The following GPN2 variants were observed in gnomAD, a reference collection of about 807,000 sequenced individuals.
The protein encoded by GPN2 is ATP-binding domain 1 family member B.
In GPN2, 27 loss-of-function variants were observed where a neutral mutation model predicts 30.1. That is an observed-to-expected ratio of 0.90 (90% CI 0.66 to 1.24). The LOEUF (loss-of-function observed/expected upper bound fraction) is 1.24, where lower values mean the gene tolerates loss of function less well. Ranked by LOEUF, GPN2 falls within the 50% of genes most tolerant of loss-of-function variation. The pLI, the probability that GPN2 is intolerant of heterozygous loss-of-function variation, is 0.00. For missense variants in GPN2, 406 were observed against 405.4 expected (o/e 1.00, Z -0.01); for synonymous variants, 212 against 174.4 (o/e 1.22, Z -1.70).
chr1:26,882,228 A>AG (rs1319723659), intron 4 of GPN2, among the ~76,000 whole-genome samples: 1 of 151,764 alleles, frequency 6.6e-6, no homozygotes, highest in East Asian at 1.9e-4. Flanking sequence ...AAAAAAAAAA[A>AG]AAAAAAAGGG....
At chr1:26,888,374 A>G (rs767561131) in intron 2 of GPN2, among the ~76,000 whole-genome samples, 1 of 152,194 alleles carries the variant, frequency 6.6e-6, no homozygotes, top group Non-Finnish European at 1.5e-5. Context: ...ACCAGACACC[A>G]GATCGGCTTG....
chr1:26,889,605 T>C (rs768791073), intron 1 of GPN2, 81 bp downstream of exon 1: 3 of 1,354,750 alleles, frequency 2.2e-6, no homozygotes, highest in African/African-American at 1.5e-5. Context: ...TACCTCCCTG[T>C]GTGACATGGG....
intron 2 of GPN2, among the ~76,000 whole-genome samples, chr1:26,888,217 C>G (rs1171322878): frequency 6.6e-6 from 1 of 152,264 alleles, no homozygotes; most frequent in East Asian, 1.9e-4. Flanking sequence ...GCCAACTCCC[C>G]TGCCTCATAC....
intron 4 of GPN2, 103 bp from the exon 5 acceptor site, chr1:26,879,852 C>A (rs949033434): frequency 2.7e-6 from 2 of 750,834 alleles, no homozygotes; most frequent in African/African-American, 1.7e-5. Flanking sequence ...CCATGTCCAT[C>A]CCTCTCTTCC....
At chr1:26,888,510 A>T (rs1195942618) in intron 2 of GPN2, among the ~76,000 whole-genome samples, 1 of 152,162 alleles carries the variant, frequency 6.6e-6, no homozygotes, top group Non-Finnish European at 1.5e-5. Context: ...CTTTATTCCT[A>T]CTAGTGCCTC....
At chr1:26,889,627 T>C (rs892304407) in intron 1 of GPN2, 59 bp downstream of exon 1, 42 of 1,477,280 alleles carry the variant, frequency 2.8e-5, no homozygotes, top group Non-Finnish European at 3.6e-5. Flanking sequence ...GCGTGGCGTC[T>C]GTCCTCCCTG....
At chr1:26,882,386 C>T (rs1473556232) in intron 4 of GPN2, among the ~76,000 whole-genome samples, 1 of 151,970 alleles carries the variant, frequency 6.6e-6, no homozygotes. Flanking sequence ...AAAAATTGCT[C>T]CTCCCCTCTT....
At position 26,889,855 on chromosome 1, in the gene GPN2, A is replaced by T. The variant is rs761653340; in HGVS notation, c.242T>A (p.Leu81Gln). The T allele has an allele frequency of 6.2e-7, 1 of 1,612,840 alleles. No homozygotes were observed. The highest frequency in any genetic ancestry group is 2.2e-5 in the East Asian group (1 of 44,876). Residue 81 changes from leucine (L) to glutamine (Q), a missense_variant, in exon 1 of 5, where the codon CTG becomes CAG. By Grantham distance (113) the Leu-to-Gln change is moderately radical. Coordinates refer to ENST00000374135, the MANE Select transcript of GPN2 (RefSeq NM_018066.4). The part of the protein sequence containing the change: ...DALRLGPNGG[L>Q]LYCMEYLEAN... The stretch of plus-strand genomic sequence containing the variant: ...TTCCAGGTACTCCATGCAGTAGAGC[A>T]GGCCGCCGTTGGGCCCCAGGCGCAG...
chr1:26,878,416 G>A lies in GPN2; in HGVS notation c.*1261C>T, dbSNP rs1476860658. On this transcript the variant is annotated 3_prime_UTR_variant, in exon 5 of 5. Coordinates refer to ENST00000374135, the MANE Select transcript of GPN2 (RefSeq NM_018066.4). ...TCTGCCTCAGCCTCCCCAATAGCTGGGATTATAGGCGTGCAACACCATGCC... is the reference window on the plus strand; with the variant it reads ...TCTGCCTCAGCCTCCCCAATAGCTGAGATTATAGGCGTGCAACACCATGCC... 1.3e-5 allele frequency: 2 copies of A among 152,024 alleles called. No homozygotes were observed. Among genetic ancestry groups the A allele is most frequent in the African/African-American group, 4.8e-5 (2 of 41,380 alleles). The allele number at this position is 152,024 out of a possible 1,614,324, so 9.4% of individuals were successfully genotyped here. A position where few individuals can be genotyped will look rare whatever the true frequency, so the allele number is the denominator to read the frequency against.
chr1:26,886,708 C>T (rs1333449099), intron 2 of GPN2, among the ~76,000 whole-genome samples: 1 of 152,064 alleles, frequency 6.6e-6, no homozygotes, highest in Non-Finnish European at 1.5e-5. Flanking sequence ...GTCCCAGCTA[C>T]TCAGGAGGCT....
intron 3 of GPN2, 117 bp downstream of exon 3, chr1:26,885,856 G>A (rs2081887939): frequency 2.6e-6 from 2 of 784,150 alleles, no homozygotes; most frequent in Non-Finnish European, 4.3e-6. Flanking sequence ...TAGGATTAGA[G>A]GCTTGAGCAA....
chr1:26,881,541 C>G (rs768279301), intron 4 of GPN2, among the ~76,000 whole-genome samples: 3 of 152,222 alleles, frequency 2.0e-5, no homozygotes, highest in Non-Finnish European at 4.4e-5. Context: ...TAAATTGCTT[C>G]TCCCAGCCTA....
Position 26,879,438 on chromosome 1 carries a change from C to G in GPN2, c.*239G>C. The G allele has an allele frequency of 1.9e-6, 1 of 538,734 alleles. No individual in the cohort carries two copies. The highest frequency in any genetic ancestry group is 3.4e-6 in the Non-Finnish European group (1 of 296,770). The allele number at this position is 538,734 out of a possible 1,614,324, so 33.4% of individuals were successfully genotyped here. A position where few individuals can be genotyped will look rare whatever the true frequency, so the allele number is the denominator to read the frequency against. The stretch of plus-strand genomic sequence containing the variant: ...CATCACAGCCTGACTAGGACCAGTG[C>G]TCGACTTTCTGGTGGCAGGGCCCAG... On this transcript the variant is annotated 3_prime_UTR_variant, in exon 5 of 5. Transcript: ENST00000374135.
intron 4 of GPN2, 124 bp downstream of exon 4, chr1:26,884,036 T>C (rs891759744): frequency 2.0e-4 from 140 of 697,618 alleles, no homozygotes; most frequent in Non-Finnish European, 2.5e-4. Flanking sequence ...CAAGACTCCA[T>C]CTCAAAAAAA....
In GPN2 at chr1:26,879,155, G is replaced by A. The variant is rs370727403; in HGVS notation, c.*522C>T. On this transcript the variant is annotated 3_prime_UTR_variant, in exon 5 of 5. Transcript: ENST00000374135. ...GAGCCCAGGAGTTTGAGTCCAGCCT[G>A]GGCCATATAGCAAGACCCCATCTTT... 1.2e-4 allele frequency: 19 copies of A among 155,776 alleles called. No individual in the cohort carries two copies. In the East Asian group the frequency reaches 3.5e-3, roughly 29 times the overall value. 9.6% of individuals were successfully genotyped at this position (155,776 alleles called of 1,614,324 possible). A position where few individuals can be genotyped will look rare whatever the true frequency, so the allele number is the denominator to read the frequency against.
At chr1:26,888,214 C>T (rs1489659191) in intron 2 of GPN2, among the ~76,000 whole-genome samples, 2 of 152,108 alleles carry the variant, frequency 1.3e-5, no homozygotes, top group African/African-American at 2.4e-5. Context: ...CTAGCCAACT[C>T]CCCTGCCTCA....
chr1:26,888,687 G>C (rs1326563591), intron 2 of GPN2, among the ~76,000 whole-genome samples: 1 of 152,220 alleles, frequency 6.6e-6, no homozygotes, highest in African/African-American at 2.4e-5. Context: ...ACTCATGCCT[G>C]TTTTACTCCA....
rs781750092 is a variant in GPN2 at position 26,889,274 on chromosome 1, C to T, written c.412-149G>A. On this transcript the variant is annotated intron_variant, in intron 1 of 4. Coordinates refer to ENST00000374135, the MANE Select transcript of GPN2 (RefSeq NM_018066.4). The stretch of plus-strand genomic sequence containing the variant: ...CTAATAACCACCCTGGTTTCCTTCT[C>T]CCAGGAAATAGGAGTCATTTTTTTT... 5.1e-4 allele frequency: 339 copies of T among 669,554 alleles called. 2 individuals are homozygous for T. The highest frequency in any genetic ancestry group is 1.2e-3 in the South Asian group (56 of 47,000). The allele number at this position is 669,554 out of a possible 1,614,324, so 41.5% of individuals were successfully genotyped here.
chr1:26,889,762 G>A lies in GPN2; in HGVS notation c.335C>T (p.Pro112Leu). 3 of 1,613,708 alleles carry A rather than the reference G, an allele frequency of 1.9e-6. No homozygotes were observed. The highest frequency in any genetic ancestry group is 1.7e-6 in the Non-Finnish European group (2 of 1,179,882). Residue 112 changes from proline (P) to leucine (L), a missense_variant, in exon 1 of 5, where the codon CCA (proline) becomes CTA (leucine). By Grantham distance (98) the Pro-to-Leu change is moderately conservative. Coordinates refer to ENST00000374135, the MANE Select transcript of GPN2 (RefSeq NM_018066.4). Reference protein sequence around the residue: ...LRGHYFLFDCPGQVELCTHHG... With the variant: ...LRGHYFLFDCLGQVELCTHHG... ...ATGCGTGCAGAGCTCCACCTGGCCT[G>A]GGCAGTCGAAGAGGAAGTAGTGGCC...
Sources: allele counts gnomAD v4.1 joint callset (sites outside exome capture counted in the v4.1 genomes callset), GRCh38; gene constraint gnomAD v4.1.1; transcripts MANE v1.5; gene names NCBI Gene and HGNC (gene_info 2026-07-23, HGNC 2026-07-21).